Variants in SCRG1 observed in about 807,000 individuals in gnomAD.
SCRG1 encodes scrapie-responsive protein 1.
In SCRG1, 3 loss-of-function variants were observed where a neutral mutation model predicts 7.7. The observed-to-expected ratio is 0.39, with a 90% CI of 0.18 to 1.01. The LOEUF is 1.01. Ranked by LOEUF, SCRG1 falls within the 50% of genes least tolerant of loss-of-function variation. The pLI is 0.36. For missense variants in SCRG1, 110 were observed against 117.2 expected (o/e 0.94, Z 0.28); for synonymous variants, 46 against 41.2 (o/e 1.12, Z -0.44).
the SCRG1 span, among the ~76,000 whole-genome samples, chr4:173,435,955 G>C: frequency 6.6e-6 from 1 of 152,204 alleles, no homozygotes; most frequent in Non-Finnish European, 1.5e-5. Flanking sequence ...TCATCACAAA[G>C]AGAAGGCAGA....
chr4:173,410,670 G>A (rs4695836), upstream of SCRG1, among the ~76,000 whole-genome samples: 61,978 of 151,886 alleles, frequency 0.41, 13,333 homozygotes, highest in South Asian at 0.53. Context: ...CAAATTTTTC[G>A]TCCTAAACTG....
chr4:173,399,655 C>T (rs1357194269), upstream of SCRG1: 1 of 152,306 alleles, frequency 6.6e-6, no homozygotes, highest in East Asian at 1.9e-4. Context: ...CACCCAAAGA[C>T]TCATTAGTAG....
the SCRG1 span, among the ~76,000 whole-genome samples, chr4:173,421,602 G>C: frequency 6.6e-6 from 1 of 152,120 alleles, no homozygotes; most frequent in East Asian, 1.9e-4. Context: ...CTGAAAATTA[G>C]CCATTCCCTT....
the SCRG1 span, among the ~76,000 whole-genome samples, chr4:173,454,261 G>A: frequency 3.9e-3 from 600 of 152,156 alleles, 5 homozygotes; most frequent in African/African-American, 0.013. Context: ...GAAAGTTCAC[G>A]TAGGAAAGCT....
the SCRG1 span, among the ~76,000 whole-genome samples, chr4:173,508,821 G>T: frequency 1.4e-4 from 21 of 152,104 alleles, no homozygotes; most frequent in African/African-American, 4.8e-4. This position sits in a 1 kb window ranked among gnomAD's most constrained non-coding sequence, Gnocchi z 4.4. Context: ...AGAAGCACTC[G>T]GGGCCCGGGA....
At chr4:173,484,422 T>A in the SCRG1 span, among the ~76,000 whole-genome samples, 1,215 of 53,806 alleles carry the variant, frequency 0.023, 47 homozygotes, top group South Asian at 0.081. Flanking sequence ...ATAATATATA[T>A]TATATATTAT....
the SCRG1 span, among the ~76,000 whole-genome samples, chr4:173,518,916 AC>A: frequency 1.6e-5 from 2 of 127,954 alleles, no homozygotes; most frequent in Non-Finnish European, 3.1e-5. Flanking sequence ...CCGGCGGTCC[AC>A]CCCGGCTTCC....
chr4:173,460,200 A>G, the SCRG1 span, among the ~76,000 whole-genome samples: 34 of 152,268 alleles, frequency 2.2e-4, 1 homozygote, highest in South Asian at 7.1e-3. Flanking sequence ...GATACAAAAA[A>G]CAGTCCTGAA....
the SCRG1 span, among the ~76,000 whole-genome samples, chr4:173,458,482 G>A: frequency 6.6e-6 from 1 of 152,142 alleles, no homozygotes; most frequent in African/African-American, 2.4e-5. Flanking sequence ...CTGAAGGAAT[G>A]TGTCACCACT....
the SCRG1 span, among the ~76,000 whole-genome samples, chr4:173,484,473 ATAATATATATTATATACAT>A: frequency 4.5e-5 from 1 of 22,254 alleles, no homozygotes; most frequent in East Asian, 2.0e-3. Flanking sequence ...CATATAATAT[ATAATATATATTATATACAT>A]ATAATATATA....
chr4:173,416,463 C>G, the SCRG1 span, among the ~76,000 whole-genome samples: 1 of 152,198 alleles, frequency 6.6e-6, no homozygotes, highest in Non-Finnish European at 1.5e-5. Flanking sequence ...TTCCAAATTT[C>G]AAACTCCAGT....
the SCRG1 span, among the ~76,000 whole-genome samples, chr4:173,517,648 G>A: frequency 6.6e-6 from 1 of 152,204 alleles, no homozygotes; most frequent in Non-Finnish European, 1.5e-5. Context: ...GGGCCTAACG[G>A]TCCCATCTCT....
At chr4:173,421,804 G>A in the SCRG1 span, among the ~76,000 whole-genome samples, 1 of 152,078 alleles carries the variant, frequency 6.6e-6, no homozygotes, top group African/African-American at 2.4e-5. Context: ...GGGAGGATGG[G>A]GAAGATCACT....
At chr4:173,450,837 C>T in the SCRG1 span, among the ~76,000 whole-genome samples, 1 of 150,726 alleles carries the variant, frequency 6.6e-6, no homozygotes, top group Non-Finnish European at 1.5e-5. Flanking sequence ...GGATGAGAAG[C>T]GAGACCCAGT....
At chr4:173,507,473 G>A in the SCRG1 span, among the ~76,000 whole-genome samples, 1 of 152,184 alleles carries the variant, frequency 6.6e-6, no homozygotes, top group East Asian at 1.9e-4. The surrounding 1 kb of genome is among the most constrained non-coding windows in gnomAD (Gnocchi z 4.4). Context: ...GCCTCCCAAA[G>A]TGCCAGGATT....
the SCRG1 span, among the ~76,000 whole-genome samples, chr4:173,436,748 GT>G: frequency 2.0e-5 from 3 of 152,158 alleles, no homozygotes; most frequent in Non-Finnish European, 2.9e-5. Flanking sequence ...ACGTTTACCT[GT>G]TTTTCAGTAA....
chr4:173,442,973 T>C, the SCRG1 span, among the ~76,000 whole-genome samples: 1 of 152,212 alleles, frequency 6.6e-6, no homozygotes, highest in Non-Finnish European at 1.5e-5. Context: ...CCCCATTCAG[T>C]ACTTATCTTT....
At chr4:173,393,148 T>C (rs1347272959) in intron 1 of SCRG1, among the ~76,000 whole-genome samples, 1 of 152,160 alleles carries the variant, frequency 6.6e-6, no homozygotes, top group Non-Finnish European at 1.5e-5. Context: ...ATAAAGTTTT[T>C]AGTGATTAGG....
the SCRG1 span, among the ~76,000 whole-genome samples, chr4:173,435,016 G>GA: frequency 1.3e-5 from 2 of 151,880 alleles, no homozygotes; most frequent in African/African-American, 4.8e-5. Flanking sequence ...GATATTTTTT[G>GA]AAAAACCACC....
Sources: allele counts gnomAD v4.1 joint callset (sites outside exome capture counted in the v4.1 genomes callset), GRCh38; gene constraint gnomAD v4.1.1; non-coding constraint Gnocchi (gnomAD v3.1); transcripts MANE v1.5; gene names NCBI Gene and HGNC (gene_info 2026-07-23, HGNC 2026-07-21).